The following DNAAF9 variants were observed in gnomAD, a reference collection of about 807,000 sequenced individuals.
DNAAF9 encodes dynein axonemal assembly factor 9.
A neutral mutation model predicts 167.0 loss-of-function variants in DNAAF9; 90 were observed. The observed-to-expected ratio is 0.54, with a 90% CI of 0.45 to 0.64. DNAAF9 has a LOEUF of 0.64. Ranked by LOEUF, DNAAF9 falls within the 30% of genes least tolerant of loss-of-function variation. DNAAF9 has a pLI of 0.00. For missense variants in DNAAF9, 1,315 were observed against 1,442.2 expected (o/e 0.91, Z 1.43); for synonymous variants, 491 against 508.8 (o/e 0.96, Z 0.47).
chr20:3,318,423 T>A, intron 16 of DNAAF9, 23 bp from the exon 17 acceptor site: 1 of 1,213,702 alleles, frequency 8.2e-7, no homozygotes, highest in Non-Finnish European at 1.2e-6. Context: ...AGAAACCAGT[T>A]AGATCAGTTA....
chr20:3,294,016 T>A, intron 25 of DNAAF9, 123 bp downstream of exon 25: 1 of 667,854 alleles, frequency 1.5e-6, no homozygotes, highest in Non-Finnish European at 2.7e-6. Context: ...TCCAAGGAAG[T>A]GGAGAGTCCT....
chr20:3,285,011 C>G (rs1872907796), intron 27 of DNAAF9, among the ~76,000 whole-genome samples: 1 of 152,100 alleles, frequency 6.6e-6, no homozygotes, highest in South Asian at 2.1e-4. Context: ...GCCCACCTCC[C>G]TCCTGCCCTC....
rs558986293 is a variant in DNAAF9 at position 3,375,526 on chromosome 20, C to T, written c.409-400G>A. On this transcript the variant is annotated intron_variant, in intron 4 of 36. Coordinates refer to ENST00000252032, the MANE Select transcript of DNAAF9 (RefSeq NM_001009984.3). Reference sequence around the variant, plus strand: ...GCCCAAAGGGAAAGAAAAACAGATACCAAGACATTCAAACACAGGAATGTC... The same window carrying T: ...GCCCAAAGGGAAAGAAAAACAGATATCAAGACATTCAAACACAGGAATGTC... Among the ~76,000 whole-genome samples, 27 of 152,204 alleles carry T rather than the reference C, an allele frequency of 1.8e-4. No individual in the cohort carries two copies. The Middle Eastern group carries it at 0.01, about 58-fold the overall frequency.
chr20:3,258,685 G>A (rs1386234186), intron 33 of DNAAF9, among the ~76,000 whole-genome samples: 1 of 152,102 alleles, frequency 6.6e-6, no homozygotes, highest in Non-Finnish European at 1.5e-5. Context: ...CCAAGAAGGG[G>A]AGGACACGAA....
At chr20:3,273,203 A>G (rs2068623620) in intron 29 of DNAAF9, among the ~76,000 whole-genome samples, 1 of 152,120 alleles carries the variant, frequency 6.6e-6, no homozygotes, top group African/African-American at 2.4e-5. Flanking sequence ...TTCCTAAGTG[A>G]CCTTGTAACT....
At chr20:3,390,882 T>C (rs570611171) in intron 1 of DNAAF9, among the ~76,000 whole-genome samples, 1 of 152,302 alleles carries the variant, frequency 6.6e-6, no homozygotes, top group Non-Finnish European at 1.5e-5. Context: ...AAATAGTTCA[T>C]TGAGTTGGTC....
chr20:3,303,096 G>T (rs1568591213), intron 21 of DNAAF9, among the ~76,000 whole-genome samples: 1 of 152,092 alleles, frequency 6.6e-6, no homozygotes, highest in Admixed American at 6.5e-5. Context: ...AACAAAATTA[G>T]CCGGGCGTGG....
chr20:3,293,624 G>T (rs539258700), intron 25 of DNAAF9, among the ~76,000 whole-genome samples: 15 of 141,446 alleles, frequency 1.1e-4, no homozygotes, highest in Non-Finnish European at 2.3e-4. Flanking sequence ...GGCGGAGGTT[G>T]CAGTGAGCCG....
Position 3,315,587 on chromosome 20 carries a change from G to A in DNAAF9, c.1590+148C>T. 1 of 684,922 alleles carries A rather than the reference G, an allele frequency of 1.5e-6. No homozygotes were observed. Among genetic ancestry groups the A allele is most frequent in the Non-Finnish European group, 2.6e-6 (1 of 382,374 alleles). The allele number at this position is 684,922 out of a possible 1,614,324, so 42.4% of individuals were successfully genotyped here. A position where few individuals can be genotyped will look rare whatever the true frequency, so the allele number is the denominator to read the frequency against. On this transcript the variant is annotated intron_variant, in intron 19 of 36. Transcript: ENST00000252032. The surrounding 1 kb of genome is among the most constrained non-coding windows in gnomAD (Gnocchi z 4.1). The stretch of plus-strand genomic sequence containing the variant: ...AATGGTTATTTCTAAAGCTCTGCTG[G>A]GAAGGGGAGGAATGCAAATAGGAAG...
intron 1 of DNAAF9, among the ~76,000 whole-genome samples, chr20:3,401,475 C>T (rs1338659763): frequency 6.6e-6 from 1 of 152,208 alleles, no homozygotes; most frequent in Non-Finnish European, 1.5e-5. Context: ...GCCGGGATTA[C>T]AGGCATAAGC....
intron 1 of DNAAF9, among the ~76,000 whole-genome samples, chr20:3,394,959 T>TCTGAGACAGCCTTGATC (rs1568647966): frequency 1.9e-4 from 5 of 26,740 alleles, no homozygotes; most frequent in East Asian, 1.1e-3. Flanking sequence ...CTTTTTTTTT[T>TCTGAGACAGCCTTGATC]TTTTTTTTTT....
At chr20:3,397,318 G>GTTTTGTT (rs148431224) in intron 1 of DNAAF9, among the ~76,000 whole-genome samples, 80,367 of 141,914 alleles carry the variant, frequency 0.57, 21,614 homozygotes, top group Middle Eastern at 0.68. Context: ...TTTTTGTTTT[G>GTTTTGTT]TTTTGTTTTT....
chr20:3,389,540 G>A (rs571710594), intron 1 of DNAAF9, among the ~76,000 whole-genome samples: 40 of 151,996 alleles, frequency 2.6e-4, no homozygotes, highest in African/African-American at 9.2e-4. Flanking sequence ...GCTGAGGTGG[G>A]AGGATCAACT....
intron 12 of DNAAF9, 92 bp from the exon 13 acceptor site, chr20:3,326,376 G>A: frequency 1.1e-6 from 1 of 870,078 alleles, no homozygotes; most frequent in South Asian, 1.5e-5. Context: ...CTAAGAAACT[G>A]ATTTTTAAAC....
At chr20:3,395,417 A>C (rs532744931) in intron 1 of DNAAF9, among the ~76,000 whole-genome samples, 233 of 152,046 alleles carry the variant, frequency 1.5e-3, no homozygotes, top group African/African-American at 5.3e-3. Flanking sequence ...AGTAGCTGTG[A>C]TTACAGATGT....
chr20:3,381,262 T>A lies in DNAAF9; in HGVS notation c.283+117A>T, dbSNP rs182086279. The A allele has an allele frequency of 6.9e-4, 561 of 817,472 alleles. 2 individuals carry two copies. In the African/African-American group the frequency reaches 9.3e-3, roughly 14 times the overall value. 50.6% of individuals were successfully genotyped at this position (817,472 alleles called of 1,614,324 possible). On this transcript the variant is annotated intron_variant, in intron 3 of 36. Coordinates refer to ENST00000252032, the MANE Select transcript of DNAAF9 (RefSeq NM_001009984.3). ...TTTTTCATTCTTTAAAAAGCAAACG[T>A]TTACTGGGGCTTTGGACTATTTTAA...
At chr20:3,322,181 A>T in intron 16 of DNAAF9, 36 bp downstream of exon 16, 1 of 1,563,588 alleles carries the variant, frequency 6.4e-7, no homozygotes, top group South Asian at 1.1e-5. Context: ...TCTACAGGCC[A>T]TTCCCAGCCA....
Position 3,340,520 on chromosome 20 carries a change from C to T in DNAAF9, c.965G>A (p.Ser322Asn), listed in dbSNP as rs916678208. Reference protein sequence around the residue: ...HLVRSTGPGGSFAKHMVAQCV... With the variant: ...HLVRSTGPGGNFAKHMVAQCV... The stretch of plus-strand genomic sequence containing the variant: ...GCCACTTACCATGTGCTTGGCAAAG[C>T]TCCCGCCGGGACCAGTGCTTCGTAC... The change falls in exon 10 of 37, where the codon AGC becomes AAC. Residue 322 changes from serine to asparagine, a missense_variant. Physicochemically the swap from Ser to Asn is conservative, Grantham distance 46. Around this residue, in one of 2 missense-constraint regions of DNAAF9, gnomAD observed 981 missense variants for 1,012.5 expected, o/e 0.97. Coordinates refer to ENST00000252032, the MANE Select transcript of DNAAF9 (RefSeq NM_001009984.3). The T allele has an allele frequency of 1.3e-5, 20 of 1,508,454 alleles. No homozygotes were observed. The highest frequency in any genetic ancestry group is 1.8e-5 in the Non-Finnish European group (20 of 1,117,598). The allele number at this position is 1,508,454 out of a possible 1,614,324, so 93.4% of individuals were successfully genotyped here. A position where few individuals can be genotyped will look rare whatever the true frequency, so the allele number is the denominator to read the frequency against.
chr20:3,333,047 G>C (rs1190300097), intron 10 of DNAAF9, among the ~76,000 whole-genome samples: 1 of 151,996 alleles, frequency 6.6e-6, no homozygotes, highest in African/African-American at 2.4e-5. Context: ...TTTGGGTTTT[G>C]ACTGTCATTA....
Sources: allele counts gnomAD v4.1 joint callset (sites outside exome capture counted in the v4.1 genomes callset), GRCh38; gene constraint gnomAD v4.1.1; regional missense constraint gnomAD v4.1.1; non-coding constraint Gnocchi (gnomAD v3.1); transcripts MANE v1.5; gene names NCBI Gene and HGNC (gene_info 2026-07-23, HGNC 2026-07-21).